The following TMEM260 variants were observed in gnomAD, a reference collection of about 807,000 sequenced individuals.
TMEM260 encodes the protein transmembrane protein 260.
Under a neutral mutation model 88.9 loss-of-function variants are expected in TMEM260, and 82 were observed. The ratio of observed to expected loss-of-function variants is 0.92; its 90% CI spans 0.77 to 1.11. The LOEUF (loss-of-function observed/expected upper bound fraction) is 1.11, where lower values mean the gene tolerates loss of function less well. Among genes scored for constraint, TMEM260 ranks in the 50% least tolerant of loss-of-function variants. The pLI, the probability that TMEM260 is intolerant of heterozygous loss-of-function variation, is 0.00. For missense variants in TMEM260, 902 were observed against 853.4 expected (o/e 1.06, Z -0.71); for synonymous variants, 314 against 309.3 (o/e 1.02, Z -0.16).
Position 56,648,981 on chromosome 14 carries a change from C to G in TMEM260, c.*1484C>G, listed in dbSNP as rs765971709. 2.6e-5 allele frequency: 4 copies of G among 152,642 alleles called. No individual in the cohort carries two copies. The highest frequency in any genetic ancestry group is 4.4e-5 in the Non-Finnish European group (3 of 68,080). The allele number at this position is 152,642 out of a possible 1,614,324, so 9.5% of individuals were successfully genotyped here. A position where few individuals can be genotyped will look rare whatever the true frequency, so the allele number is the denominator to read the frequency against. On this transcript the variant is annotated 3_prime_UTR_variant, in exon 16 of 16. Coordinates refer to ENST00000261556, the MANE Select transcript of TMEM260 (RefSeq NM_017799.4). The stretch of plus-strand genomic sequence containing the variant: ...AAAGCTGAAGTTTCATTACCTGATC[C>G]ATGGGGCTTTGTTGGTTTTGGCATC...
rs1221862926 is a variant in TMEM260 at position 56,633,407 on chromosome 14, GAT to G, written c.1724+237_1724+238del. 3.6e-4 allele frequency: 123 copies of G among 345,402 alleles called. 1 individual carries two copies. The highest frequency in any genetic ancestry group is 8.9e-4 in the Middle Eastern group (1 of 1,122). 21.4% of individuals were successfully genotyped at this position (345,402 alleles called of 1,614,324 possible). On this transcript the variant is annotated intron_variant, in intron 13 of 15. Coordinates refer to ENST00000261556, the MANE Select transcript of TMEM260 (RefSeq NM_017799.4). ...AGGGTGCTGGTTGTGTGGATACCAT[GAT>G]GGTTAGATGCATGGCACCTTCTACT...
intron 1 of TMEM260, among the ~76,000 whole-genome samples, chr14:56,582,584 C>T (rs1415742525): frequency 1.3e-5 from 2 of 152,298 alleles, no homozygotes; most frequent in Admixed American, 6.5e-5. Flanking sequence ...CAGGAACGTA[C>T]TTCAGAATTA....
chr14:56,612,178 A>T (rs1887321535), intron 6 of TMEM260, 67 bp from the exon 7 acceptor site: 1 of 1,408,182 alleles, frequency 7.1e-7, no homozygotes, highest in Admixed American at 1.8e-5. Context: ...AGATTATTAA[A>T]ATACAATAGC....
intron 13 of TMEM260, 22 bp from the exon 14 acceptor site, chr14:56,634,877 T>G (rs1441736986): frequency 1.2e-6 from 2 of 1,604,872 alleles, no homozygotes; most frequent in Non-Finnish European, 1.7e-6. Context: ...AGAAAGATAT[T>G]ACTGTTTTCT....
At chr14:56,598,937 T>A (rs1217760401) in intron 3 of TMEM260, among the ~76,000 whole-genome samples, 1 of 152,204 alleles carries the variant, frequency 6.6e-6, no homozygotes, top group Admixed American at 6.5e-5. Flanking sequence ...TTTTTAAAAC[T>A]CTGTTCCATC....
downstream of TMEM260, among the ~76,000 whole-genome samples, chr14:56,654,757 T>C (rs1378120120): frequency 2.3e-5 from 3 of 128,568 alleles, no homozygotes; most frequent in Middle Eastern, 0.012. Context: ...GAGGTTGCAG[T>C]GAGCCAAGAT....
At chr14:56,658,041 G>A in the TMEM260 span, among the ~76,000 whole-genome samples, 1 of 152,130 alleles carries the variant, frequency 6.6e-6, no homozygotes, top group African/African-American at 2.4e-5. Flanking sequence ...TAATAAAAGT[G>A]TGTCACCTGC....
At chr14:56,623,970 G>A (rs1316778797) in intron 11 of TMEM260, among the ~76,000 whole-genome samples, 1 of 152,170 alleles carries the variant, frequency 6.6e-6, no homozygotes, top group Non-Finnish European at 1.5e-5. Flanking sequence ...AGTTAAGTAT[G>A]TGTTAAGTAT....
chr14:56,588,075 A>G (rs1885622856), intron 3 of TMEM260, among the ~76,000 whole-genome samples: 1 of 151,958 alleles, frequency 6.6e-6, no homozygotes, highest in African/African-American at 2.4e-5. Flanking sequence ...TTGCAGCTTG[A>G]CTCCCTTATC....
intron 3 of TMEM260, among the ~76,000 whole-genome samples, chr14:56,587,531 C>T (rs1037051470): frequency 7.2e-5 from 11 of 151,988 alleles, no homozygotes; most frequent in African/African-American, 2.4e-4. Flanking sequence ...GCACACTAGC[C>T]TGTAACGCTT....
rs1406087057 is a variant in TMEM260 at position 56,647,824 on chromosome 14, T to C, written c.*327T>C. The stretch of plus-strand genomic sequence containing the variant: ...GAACCATTTTCATATAACTAAATAT[T>C]GGTCATGAACTGTGTAAGGGCCATG... On this transcript the variant is annotated 3_prime_UTR_variant, in exon 16 of 16. Coordinates refer to ENST00000261556, the MANE Select transcript of TMEM260 (RefSeq NM_017799.4). 1 of 264,954 alleles carries C rather than the reference T, an allele frequency of 3.8e-6. No homozygotes were observed. Among genetic ancestry groups the C allele is most frequent in the East Asian group, 1.0e-4 (1 of 9,686 alleles). The allele number at this position is 264,954 out of a possible 1,614,324, so 16.4% of individuals were successfully genotyped here. A position where few individuals can be genotyped will look rare whatever the true frequency, so the allele number is the denominator to read the frequency against.
chr14:56,621,546 G>A lies in TMEM260; in HGVS notation c.1242G>A (p.Arg414=). 1 of 1,604,688 alleles carries A rather than the reference G, an allele frequency of 6.2e-7. No individual in the cohort carries two copies. Among genetic ancestry groups the A allele is most frequent in the Non-Finnish European group, 8.5e-7 (1 of 1,176,422 alleles). Residue 414 remains arginine, a synonymous_variant, in exon 11 of 16, where the codon AGG becomes AGA. Coordinates refer to ENST00000261556, the MANE Select transcript of TMEM260 (RefSeq NM_017799.4). The part of the protein sequence containing the change: ...IYSNYSVCDQ[R]TNYVIDKFAK... ...TTTTATTTAGTGTTTGTGACCAAAG[G>A]ACCAACTATGTGATTGATAAGTTCG...
Position 56,621,562 on chromosome 14 carries a change from G to C in TMEM260, c.1258G>C (p.Asp420His), listed in dbSNP as rs903561110. 1.9e-6 allele frequency: 3 copies of C among 1,608,564 alleles called. No homozygotes were observed. In the African/African-American group the frequency reaches 4.0e-5, roughly 22 times the overall value. Residue 420 changes from aspartate to histidine, a missense_variant, in exon 11 of 16, where the codon GAT (aspartate) becomes CAT (histidine). Coordinates refer to ENST00000261556, the MANE Select transcript of TMEM260 (RefSeq NM_017799.4). ...VCDQRTNYVI[D>H]KFAKNLLTSM... Reference sequence around the variant, plus strand: ...TGACCAAAGGACCAACTATGTGATTGATAAGTTCGCAAAGAACCTTCTCAC... The same window carrying C: ...TGACCAAAGGACCAACTATGTGATTCATAAGTTCGCAAAGAACCTTCTCAC...
At chr14:56,586,220 T>C (rs1885491781) in intron 3 of TMEM260, among the ~76,000 whole-genome samples, 1 of 152,114 alleles carries the variant, frequency 6.6e-6, no homozygotes, top group African/African-American at 2.4e-5. Flanking sequence ...CAATATGAGG[T>C]TCATCTTTTG....
At chr14:56,630,127 A>G (rs914267446) in intron 12 of TMEM260, among the ~76,000 whole-genome samples, 1 of 151,940 alleles carries the variant, frequency 6.6e-6, no homozygotes, top group African/African-American at 2.4e-5. Flanking sequence ...AATTCAAATA[A>G]TTGTTCCCCT....
chr14:56,592,555 A>G (rs1420567472), intron 3 of TMEM260, among the ~76,000 whole-genome samples: 1 of 152,200 alleles, frequency 6.6e-6, no homozygotes, highest in Non-Finnish European at 1.5e-5. Context: ...GACTGGAGAG[A>G]GAAATACATG....
chr14:56,584,234 G>T (rs1035525664), intron 1 of TMEM260, among the ~76,000 whole-genome samples: 3 of 152,040 alleles, frequency 2.0e-5, no homozygotes, highest in Admixed American at 2.0e-4. Context: ...TTCCTAATAG[G>T]TACTAGTAAC....
intron 12 of TMEM260, among the ~76,000 whole-genome samples, chr14:56,629,797 G>A (rs553168146): frequency 2.0e-5 from 3 of 152,232 alleles, no homozygotes; most frequent in East Asian, 3.9e-4. Context: ...CAGCACTTTG[G>A]GAGGCTGAGG....
intron 3 of TMEM260, among the ~76,000 whole-genome samples, chr14:56,589,024 A>T (rs1046439867): frequency 3.9e-5 from 6 of 152,122 alleles, no homozygotes; most frequent in African/African-American, 1.4e-4. Flanking sequence ...ACCATTTAAC[A>T]TTATTTAATG....
Sources: gnomAD v4.1 joint callset for allele counts (sites outside exome capture counted in the v4.1 genomes callset) on GRCh38, gnomAD v4.1.1 for gene constraint, MANE v1.5 for transcripts, NCBI Gene and HGNC (gene_info 2026-07-23, HGNC 2026-07-21) for gene names.